The following ME2 variants were observed in gnomAD, a reference collection of about 807,000 sequenced individuals.
The protein encoded by ME2 is NAD-dependent malic enzyme, mitochondrial.
In ME2, 60 loss-of-function variants were observed where a neutral mutation model predicts 73.7. That is an observed-to-expected ratio of 0.81 (90% CI 0.66 to 1.01). The LOEUF is 1.01. Among genes scored for constraint, ME2 ranks in the 50% least tolerant of loss-of-function variants. The probability of loss-of-function intolerance (pLI) is 0.00; values close to 1 mark genes in which losing one functional copy is unlikely to be tolerated. For missense variants in ME2, 594 were observed against 705.5 expected, an observed-to-expected ratio of 0.84 and a Z score of 1.79; for synonymous variants, 199 against 236.9, an observed-to-expected ratio of 0.84 and a Z score of 1.47.
chr18:50,943,373 C>T (rs1313892611), intron 15 of ME2, among the ~76,000 whole-genome samples: 1 of 152,072 alleles, frequency 6.6e-6, no homozygotes, highest in African/African-American at 2.4e-5. Flanking sequence ...GATCTCAGCT[C>T]ACTGCAACCT....
intron 12 of ME2, among the ~76,000 whole-genome samples, chr18:50,926,154 CATT>C (rs1953466653): frequency 1.3e-5 from 2 of 152,122 alleles, no homozygotes; most frequent in South Asian, 2.1e-4. Flanking sequence ...ACTCAAAATA[CATT>C]ATTGTTATAT....
At chr18:50,889,149 C>G (rs146958763) in intron 1 of ME2, among the ~76,000 whole-genome samples, 1 of 152,184 alleles carries the variant, frequency 6.6e-6, no homozygotes, top group African/African-American at 2.4e-5. Context: ...AATTCCCTCC[C>G]CCCCATGATA....
chr18:50,950,191 A>C lies in ME2; in HGVS notation c.*3007A>C, dbSNP rs1411135631. 1.3e-5 allele frequency: 2 copies of C among 152,244 alleles called. No homozygotes were observed. Among genetic ancestry groups the C allele is most frequent in the Admixed American group, 6.5e-5 (1 of 15,282 alleles). The allele number at this position is 152,244 out of a possible 1,614,324, so 9.4% of individuals were successfully genotyped here. On this transcript the variant is annotated 3_prime_UTR_variant, in exon 16 of 16. Coordinates refer to ENST00000321341, the MANE Select transcript of ME2 (RefSeq NM_002396.5). ...AGGTTTATTGACAATGAGAAGTTTT[A>C]GTCCAAGATTTTAGTTAAAATATTT...
At position 50,918,133 on chromosome 18, in the gene ME2, CATGGGCTTGTACCAGAA is replaced by C; in HGVS notation, c.656_672del (p.Met219ThrfsTer8). The C allele has an allele frequency of 2.5e-6, 4 of 1,598,622 alleles. No homozygotes were observed. The South Asian group carries it at 4.5e-5, about 18-fold the overall frequency. On this transcript the variant is annotated frameshift_variant, in exon 7 of 16. Coordinates refer to ENST00000321341, the MANE Select transcript of ME2 (RefSeq NM_002396.5). LOFTEE classifies it high-confidence loss of function. ...AGGCACTCTTAAAAGACCCATTTTA[CATGGGCTTGTACCAGAA>C]ACGAGATCGCACACAACAGTATGAT... is the stretch of plus-strand genomic sequence containing the variant.
intron 1 of ME2, among the ~76,000 whole-genome samples, chr18:50,881,132 G>T (rs1424627513): frequency 3.9e-5 from 6 of 152,170 alleles, no homozygotes; most frequent in Admixed American, 3.3e-4. Flanking sequence ...GCGTTCAAGC[G>T]CTTCTTCTGC....
intron 13 of ME2, chr18:50,934,161 G>A (rs1917764316): frequency 1.3e-5 from 2 of 152,052 alleles, no homozygotes; most frequent in Admixed American, 6.5e-5. Context: ...TGTCTTTATG[G>A]TAGAATGATT....
chr18:50,920,560 T>C lies in ME2; in HGVS notation c.839T>C (p.Ile280Thr), dbSNP rs1271456154. Residue 280 changes from isoleucine (I) to threonine (T), a missense_variant, in exon 8 of 16, where the codon ATT becomes ACT. By Grantham distance (89) the Ile-to-Thr change is moderately conservative. Transcript: ENST00000321341. ...REKYCTFNDD[I>T]QGTAAVALAG... The stretch of plus-strand genomic sequence containing the variant: ...AAATATTGTACTTTCAATGATGATA[T>C]TCAAGGTAAAGCAAAAAAACTTCAG... The C allele has an allele frequency of 7.6e-6, 12 of 1,585,380 alleles. No homozygotes were observed. The Admixed American group carries it at 1.4e-4, about 18-fold the overall frequency.
intron 2 of ME2, among the ~76,000 whole-genome samples, chr18:50,898,561 A>C (rs545784664): frequency 6.6e-6 from 1 of 152,126 alleles, no homozygotes; most frequent in Non-Finnish European, 1.5e-5. Flanking sequence ...CTTCCCGAGT[A>C]GCTGAGACTA....
intron 13 of ME2, among the ~76,000 whole-genome samples, chr18:50,938,457 T>A (rs768355668): frequency 2.0e-5 from 3 of 152,196 alleles, no homozygotes; most frequent in Non-Finnish European, 4.4e-5. Context: ...GAATAATACC[T>A]CACAGTTCTG....
chr18:50,940,538 G>T, intron 15 of ME2, 152 bp downstream of exon 15: 1 of 611,078 alleles, frequency 1.6e-6, no homozygotes, highest in Non-Finnish European at 2.9e-6. Context: ...TAACACACAT[G>T]ATTATTTTGG....
chr18:50,910,825 G>A (rs1917139290), intron 3 of ME2, among the ~76,000 whole-genome samples: 1 of 152,234 alleles, frequency 6.6e-6, no homozygotes, highest in Non-Finnish European at 1.5e-5. Context: ...ATGACAGGGA[G>A]AGATTTGCTC....
At chr18:50,927,751 T>TATATATATATATATATATATACAC (rs1316314513) in intron 12 of ME2, among the ~76,000 whole-genome samples, 1 of 123,306 alleles carries the variant, frequency 8.1e-6, no homozygotes, top group African/African-American at 3.3e-5. Context: ...TATATATATA[T>TATATATATATATATATATATACAC]ACACACCACA....
At chr18:50,927,134 T>G (rs1312235650) in intron 12 of ME2, among the ~76,000 whole-genome samples, 1 of 152,168 alleles carries the variant, frequency 6.6e-6, no homozygotes, top group South Asian at 2.1e-4. Flanking sequence ...CACTTGACAT[T>G]TGGGTTTTTT....
rs75326088 is a variant in ME2, at chr18:50,909,531, A to G, written c.242+1335A>G. Among the ~76,000 whole-genome samples, 245 of 152,336 alleles carry G rather than the reference A, an allele frequency of 1.6e-3. 5 individuals are homozygous for G. The East Asian group carries it at 0.043, about 27-fold the overall frequency. ...GTAGCAGGCAAAGTATTCTGGGTAG[A>G]GGGATCGGTCTGCATATAGAACTAA... On this transcript the variant is annotated intron_variant, in intron 3 of 15. Transcript: ENST00000321341.
chr18:50,945,789 G>A (rs369761295), intron 15 of ME2, among the ~76,000 whole-genome samples: 1 of 152,054 alleles, frequency 6.6e-6, no homozygotes, highest in African/African-American at 2.4e-5. Context: ...AAAACCTGCC[G>A]GGCATGGTGG....
chr18:50,888,556 T>C (rs625566), intron 1 of ME2, among the ~76,000 whole-genome samples: 132,859 of 152,054 alleles, frequency 0.87, 58,465 homozygotes, highest in Non-Finnish European at 0.93. Context: ...CCATTTCTGT[T>C]TCTGGGCTTT....
At chr18:50,879,429 C>T (rs1402796856) in intron 1 of ME2, 121 bp downstream of exon 1, 2 of 152,220 alleles carry the variant, frequency 1.3e-5, no homozygotes, top group African/African-American at 2.4e-5. Context: ...CGTGCGGCCC[C>T]CGCCGTTCCC....
intron 3 of ME2, among the ~76,000 whole-genome samples, chr18:50,910,292 A>AT (rs1218515221): frequency 6.7e-6 from 1 of 149,566 alleles, no homozygotes; most frequent in Non-Finnish European, 1.5e-5. Flanking sequence ...AAAAAAAAAA[A>AT]GCCAGGCATG....
At chr18:50,942,821 T>C in intron 15 of ME2, 1 of 249,598 alleles carries the variant, frequency 4.0e-6, no homozygotes. Context: ...TTTAATAGTT[T>C]TTCATTTCAT....
Sources: gnomAD v4.1 joint callset for allele counts (sites outside exome capture counted in the v4.1 genomes callset) on GRCh38, gnomAD v4.1.1 for gene constraint, MANE v1.5 for transcripts, NCBI Gene and HGNC (gene_info 2026-07-23, HGNC 2026-07-21) for gene names.